Variants in XRN1 observed in about 807,000 individuals in gnomAD.
XRN1 encodes the protein strand-exchange protein 1 homolog.
A neutral mutation model predicts 222.3 loss-of-function variants in XRN1; 67 were observed. The ratio of observed to expected loss-of-function variants is 0.30; its 90% CI spans 0.25 to 0.37. The LOEUF is 0.37. Ranked by LOEUF, XRN1 falls within the 10% of genes least tolerant of loss-of-function variation. XRN1 has a pLI of 1.00. For synonymous variants in XRN1, 643 were observed against 652.4 expected (o/e 0.99, Z 0.22); for missense variants, 1,707 against 2,000.2 (o/e 0.85, Z 2.80).
At position 142,447,208 on chromosome 3, in the gene XRN1, C is replaced by T. The variant is rs1419386703; in HGVS notation, c.75+662G>A. ...ATGTTCTATCAATTCGTTTCCCAAC[C>T]CCCTCTGTCACACAGTGAGGCCTCC... On this transcript the variant is annotated intron_variant, in intron 1 of 40. Coordinates refer to ENST00000392981, the MANE Select transcript of XRN1 (RefSeq NM_001282857.2). This position sits in a 1 kb window ranked among gnomAD's most constrained non-coding sequence, Gnocchi z 4.2. Among the ~76,000 whole-genome samples, 6 of 152,138 alleles carry T rather than the reference C, an allele frequency of 3.9e-5. No individual in the cohort carries two copies. The highest frequency in any genetic ancestry group is 5.9e-5 in the Non-Finnish European group (4 of 68,040).
rs896977700 is a variant in XRN1, at chr3:142,403,698, T to A, written c.2079A>T (p.Leu693Phe). The part of the protein sequence containing the change: ...SRGENMMLEI[L>F]VDAESDELTV... ...CAAGTTCATCTGATTCTGCATCCAC[T>A]AAGATTTCCAACATCATGTTTTCTC... Residue 693 changes from leucine (L) to phenylalanine (F), a missense_variant, in exon 18 of 41, where the codon TTA becomes TTT. By Grantham distance (22) the Leu-to-Phe change is conservative (BLOSUM62 0). This residue lies in a region of XRN1 where 1,234 missense variants were observed against 1,518.2 expected (regional missense o/e 0.81). Transcript: ENST00000392981. 17 of 1,613,162 alleles carry A rather than the reference T, an allele frequency of 1.1e-5. No individual in the cohort carries two copies. The highest frequency in any genetic ancestry group is 1.4e-5 in the Non-Finnish European group (16 of 1,179,540).
intron 29 of XRN1, among the ~76,000 whole-genome samples, chr3:142,361,582 C>T (rs556035675): frequency 1.2e-4 from 19 of 152,154 alleles, no homozygotes; most frequent in African/African-American, 4.3e-4. Flanking sequence ...TCTAGTTGCC[C>T]TATATCATTG....
At chr3:142,374,171 G>A (rs1028630169) in intron 25 of XRN1, among the ~76,000 whole-genome samples, 10 of 152,098 alleles carry the variant, frequency 6.6e-5, no homozygotes, top group Non-Finnish European at 1.3e-4. Context: ...AAAGAGTGAG[G>A]CATGAAAGTC....
Position 142,405,044 on chromosome 3 carries a change from G to A in XRN1, c.1746C>T (p.Asn582=). Residue 582 remains asparagine, a synonymous_variant, in exon 16 of 41, where the codon AAC becomes AAT. Coordinates refer to ENST00000392981, the MANE Select transcript of XRN1 (RefSeq NM_001282857.2). Reference sequence around the variant, plus strand: ...TCCTCTCTTCCTTTTTGAGGGAGTGGTTACATGTCTCCATGGCTTCCAATA... The same window carrying A: ...TCCTCTCTTCCTTTTTGAGGGAGTGATTACATGTCTCCATGGCTTCCAATA... ...KRLLEAMETC[N]HSLKKEERKR... The A allele has an allele frequency of 1.2e-6, 2 of 1,613,896 alleles. No homozygotes were observed. The highest frequency in any genetic ancestry group is 8.5e-7 in the Non-Finnish European group (1 of 1,179,860).
At chr3:142,436,865 C>T (rs1328577291) in intron 1 of XRN1, among the ~76,000 whole-genome samples, 1 of 152,094 alleles carries the variant, frequency 6.6e-6, no homozygotes, top group East Asian at 1.9e-4. Flanking sequence ...CAAGATGTTA[C>T]TAGGGGTCAA....
intron 39 of XRN1, among the ~76,000 whole-genome samples, chr3:142,313,361 T>C (rs1297170031): frequency 6.6e-6 from 1 of 152,140 alleles, no homozygotes; most frequent in Non-Finnish European, 1.5e-5. Flanking sequence ...CTTGAGGAGT[T>C]TGTGAAATAC....
At chr3:142,395,467 T>C (rs924853019) in intron 20 of XRN1, among the ~76,000 whole-genome samples, 1 of 152,216 alleles carries the variant, frequency 6.6e-6, no homozygotes, top group Non-Finnish European at 1.5e-5. Context: ...CATTGACGAC[T>C]CTCTCTGTCC....
chr3:142,421,692 A>G (rs2069041821), intron 8 of XRN1, 149 bp from the exon 9 acceptor site: 3 of 492,960 alleles, frequency 6.1e-6, no homozygotes, highest in African/African-American at 4.0e-5. Context: ...AACTGGCCCT[A>G]GTTTCTGTGA....
At chr3:142,408,158 C>T (rs901807728) in intron 15 of XRN1, among the ~76,000 whole-genome samples, 6 of 152,150 alleles carry the variant, frequency 3.9e-5, no homozygotes, top group African/African-American at 1.2e-4. Flanking sequence ...TTTCTTGACA[C>T]CAACACCCAT....
chr3:142,423,679 C>A (rs1382356293), intron 5 of XRN1, 37 bp from the exon 6 acceptor site: 1 of 1,496,612 alleles, frequency 6.7e-7, no homozygotes, highest in Non-Finnish European at 9.0e-7. Flanking sequence ...TTTATTCTCC[C>A]ATTTTTAATA....
intron 33 of XRN1, among the ~76,000 whole-genome samples, chr3:142,341,292 G>A (rs1560305829): frequency 6.6e-6 from 1 of 151,790 alleles, no homozygotes; most frequent in Non-Finnish European, 1.5e-5. Flanking sequence ...AACATAAACA[G>A]ATACACAAAA....
chr3:142,312,283 A>C (rs2065098284), intron 40 of XRN1, among the ~76,000 whole-genome samples: 1 of 152,170 alleles, frequency 6.6e-6, no homozygotes, highest in Non-Finnish European at 1.5e-5. Context: ...CTTCTCCAAA[A>C]AAATGAATAA....
At chr3:142,314,268 A>G (rs538047140) in intron 39 of XRN1, among the ~76,000 whole-genome samples, 8 of 152,210 alleles carry the variant, frequency 5.3e-5, no homozygotes, top group African/African-American at 9.6e-5. Flanking sequence ...GAACACCTTT[A>G]TAGGACCAAA....
chr3:142,405,471 T>C (rs920182649), intron 15 of XRN1, among the ~76,000 whole-genome samples: 1 of 152,188 alleles, frequency 6.6e-6, no homozygotes, highest in Non-Finnish European at 1.5e-5. Context: ...AATTAACTTA[T>C]ACATTTAAAG....
chr3:142,404,450 A>C (rs988845040), intron 16 of XRN1, among the ~76,000 whole-genome samples: 12 of 152,198 alleles, frequency 7.9e-5, no homozygotes, highest in Non-Finnish European at 1.8e-4. Context: ...GAAGAGAAAA[A>C]AAAGGAAGAT....
chr3:142,426,463 T>C (rs966354254), intron 3 of XRN1: 2 of 316,974 alleles, frequency 6.3e-6, no homozygotes, highest in Admixed American at 4.6e-5. Flanking sequence ...CAGAAAGATA[T>C]ATAAACATAA....
Position 142,371,106 on chromosome 3 carries a change from G to A in XRN1, c.3068+133C>T, listed in dbSNP as rs531534358. 636 of 751,168 alleles carry A rather than the reference G, an allele frequency of 8.5e-4. 12 individuals are homozygous for A. In the South Asian group the frequency reaches 0.01, roughly 12 times the overall value. The allele number at this position is 751,168 out of a possible 1,614,324, so 46.5% of individuals were successfully genotyped here. On this transcript the variant is annotated intron_variant, in intron 26 of 40. Coordinates refer to ENST00000392981, the MANE Select transcript of XRN1 (RefSeq NM_001282857.2). ...AGCCACATTTGAGCCACTGCATTCG[G>A]GCAAGAGAGTAAGAACCTGTCTCAA...
In XRN1 at chr3:142,422,836, T is replaced by C; in HGVS notation, c.797A>G (p.Lys266Arg). ...GTCCATGGCTTTATTAATACTTACT[T>C]TTAATACTGAAAACTCATAGTCAAT... is the stretch of plus-strand genomic sequence containing the variant. ...EYIDYEFSVL[K>R]EKITFKYDIE... is the part of the protein sequence containing the mutation. Residue 266 changes from lysine (K) to arginine (R), a missense_variant and splice_region_variant, in exon 7 of 41, where the codon AAA becomes AGA. By Grantham distance (26) the Lys-to-Arg change is conservative. This residue lies in a region of XRN1 where 1,234 missense variants were observed against 1,518.2 expected (regional missense o/e 0.81). Transcript: ENST00000392981. The C allele has an allele frequency of 6.2e-7, 1 of 1,604,604 alleles. No homozygotes were observed.
rs761210908 is a variant in XRN1 at position 142,345,427 on chromosome 3, C to CT, written c.3877+1806dup. ...ATGGAAAGAGACCTAAATCTAAAAG[C>CT]TAAAACTATACAATTCTTAGAAGAA... On this transcript the variant is annotated intron_variant, in intron 33 of 40. Transcript: ENST00000392981. Among the ~76,000 whole-genome samples, 380 of 152,268 alleles carry CT rather than the reference C, an allele frequency of 2.5e-3. 1 individual carries two copies. Among genetic ancestry groups the CT allele is most frequent in the Non-Finnish European group, 3.8e-3 (258 of 68,018 alleles).
Sources: allele counts gnomAD v4.1 joint callset (sites outside exome capture counted in the v4.1 genomes callset), GRCh38; gene constraint gnomAD v4.1.1; regional missense constraint gnomAD v4.1.1; non-coding constraint Gnocchi (gnomAD v3.1); transcripts MANE v1.5; gene names NCBI Gene and HGNC (gene_info 2026-07-23, HGNC 2026-07-21).